The following CCDC171 variants were observed in gnomAD, a reference collection of about 807,000 sequenced individuals.
CCDC171 encodes coiled-coil domain containing 171.
Under a neutral mutation model 168.2 loss-of-function variants are expected in CCDC171, and 177 were observed. The ratio of observed to expected loss-of-function variants is 1.05; its 90% CI spans 0.93 to 1.19. The LOEUF (loss-of-function observed/expected upper bound fraction) is 1.19. CCDC171 is among the 50% of genes most tolerant of loss of function. CCDC171 has a pLI of 0.00. For synonymous variants in CCDC171, 687 were observed against 540.8 expected (o/e 1.27, Z -3.75); for missense variants, 1,991 against 1,539.0 (o/e 1.29, Z -4.91).
intron 1 of CCDC171, among the ~76,000 whole-genome samples, chr9:16,045,472 C>G (rs1204177387): frequency 6.6e-6 from 1 of 152,170 alleles, no homozygotes; most frequent in East Asian, 1.9e-4. Context: ...GCACTCCTTC[C>G]TTCACGGCTT....
the CCDC171 span, among the ~76,000 whole-genome samples, chr9:16,100,481 A>G: frequency 6.6e-6 from 1 of 152,166 alleles, no homozygotes; most frequent in African/African-American, 2.4e-5. Context: ...CCCCAGAGGT[A>G]TCGATGTAAT....
At chr9:15,654,725 A>T (rs1381744981) in intron 7 of CCDC171, among the ~76,000 whole-genome samples, 1 of 152,170 alleles carries the variant, frequency 6.6e-6, no homozygotes, top group African/African-American at 2.4e-5. Context: ...AGCGTGAGCG[A>T]CGCAGAAGAC....
intron 21 of CCDC171, among the ~76,000 whole-genome samples, chr9:15,798,763 T>C (rs944323440): frequency 6.6e-6 from 1 of 152,166 alleles, no homozygotes; most frequent in African/African-American, 2.4e-5. Flanking sequence ...AGGCTCACAA[T>C]GCCCGAAATA....
chr9:15,961,843 T>A (rs1374729979), intron 25 of CCDC171, among the ~76,000 whole-genome samples: 1 of 152,064 alleles, frequency 6.6e-6, no homozygotes, highest in Non-Finnish European at 1.5e-5. Context: ...ACTCAGAGAA[T>A]AGAGAAAAAA....
intron 21 of CCDC171, among the ~76,000 whole-genome samples, chr9:15,825,118 A>C (rs1392352466): frequency 6.6e-6 from 1 of 152,126 alleles, no homozygotes; most frequent in Non-Finnish European, 1.5e-5. Context: ...TCCACCTATG[A>C]CTGAATTTCA....
At chr9:15,821,427 T>C (rs2059765518) in intron 21 of CCDC171, among the ~76,000 whole-genome samples, 1 of 117,146 alleles carries the variant, frequency 8.5e-6, no homozygotes, top group African/African-American at 3.2e-5. Flanking sequence ...TGATTGTATA[T>C]CTAGAAAACC....
At chr9:15,651,486 A>T (rs1308870293) in intron 7 of CCDC171, among the ~76,000 whole-genome samples, 1 of 151,632 alleles carries the variant, frequency 6.6e-6, no homozygotes, top group African/African-American at 2.4e-5. Flanking sequence ...TGAACTCCTG[A>T]CCTCAAGCAA....
At chr9:15,833,561 A>G (rs941552023) in intron 21 of CCDC171, among the ~76,000 whole-genome samples, 1 of 152,192 alleles carries the variant, frequency 6.6e-6, no homozygotes, top group Non-Finnish European at 1.5e-5. Context: ...AAAATACTTT[A>G]TTAATACAAA....
intron 8 of CCDC171, among the ~76,000 whole-genome samples, chr9:16,036,616 C>G (rs1833474782): frequency 6.6e-6 from 1 of 152,160 alleles, no homozygotes; most frequent in Admixed American, 6.5e-5. Context: ...TGCACTCCAG[C>G]CTGGGCCACA....
At chr9:15,750,168 C>T (rs933377891) in intron 18 of CCDC171, among the ~76,000 whole-genome samples, 1 of 151,910 alleles carries the variant, frequency 6.6e-6, no homozygotes, top group East Asian at 1.9e-4. Flanking sequence ...ATACAGACTA[C>T]CATCAGAGAA....
At position 15,727,800 on chromosome 9, in the gene CCDC171, A is replaced by G. The variant is rs867098359; in HGVS notation, c.1693-69A>G. ...TTTTTTAAATTAACTCTTCACCATT[A>G]GTATTATGTATTTTACTTCTTACAA... On this transcript the variant is annotated intron_variant, in intron 14 of 25. Transcript: ENST00000380701. 8 of 1,162,848 alleles carry G rather than the reference A, an allele frequency of 6.9e-6. No individual in the cohort carries two copies. The African/African-American group carries it at 1.2e-4, about 18-fold the overall frequency. The allele number at this position is 1,162,848 out of a possible 1,614,324, so 72.0% of individuals were successfully genotyped here.
chr9:15,986,405 C>G (rs1161373270), intron 3 of CCDC171, among the ~76,000 whole-genome samples: 1 of 152,188 alleles, frequency 6.6e-6, no homozygotes, highest in African/African-American at 2.4e-5. Context: ...AGAGGGATGC[C>G]ATAAGACACT....
chr9:15,977,028 C>G (rs550339268), downstream of CCDC171, among the ~76,000 whole-genome samples: 1 of 152,230 alleles, frequency 6.6e-6, no homozygotes, highest in Non-Finnish European at 1.5e-5. Context: ...GTAAGAAACC[C>G]CTCCATTCCT....
At chr9:15,613,985 T>G (rs2043901262) in intron 6 of CCDC171, among the ~76,000 whole-genome samples, 1 of 152,220 alleles carries the variant, frequency 6.6e-6, no homozygotes, top group African/African-American at 2.4e-5. Context: ...GGACAGAAGA[T>G]TTTCTTAAAT....
intron 25 of CCDC171, among the ~76,000 whole-genome samples, chr9:15,924,005 G>A (rs1825628670): frequency 6.6e-6 from 1 of 151,014 alleles, no homozygotes; most frequent in Non-Finnish European, 1.5e-5. Context: ...GCCTCCAAAG[G>A]CATGTATATA....
intron 3 of CCDC171, among the ~76,000 whole-genome samples, chr9:15,992,812 A>G (rs567867875): frequency 1.3e-5 from 2 of 152,346 alleles, no homozygotes; most frequent in African/African-American, 4.8e-5. Context: ...GGACAAACAG[A>G]GAGCCAAATC....
At chr9:15,943,929 T>C (rs1237205012) in intron 25 of CCDC171, among the ~76,000 whole-genome samples, 1 of 151,958 alleles carries the variant, frequency 6.6e-6, no homozygotes, top group African/African-American at 2.4e-5. Context: ...TTGAGCTTGA[T>C]TTTGAAGGAA....
At chr9:16,051,492 C>G (rs10733307) in intron 1 of CCDC171, among the ~76,000 whole-genome samples, 1 of 152,032 alleles carries the variant, frequency 6.6e-6, no homozygotes, top group African/African-American at 2.4e-5. Flanking sequence ...CTGGGTTCTA[C>G]TTGCCAGCCC....
chr9:15,895,746 C>G (rs1820813810), intron 24 of CCDC171, among the ~76,000 whole-genome samples: 3 of 152,062 alleles, frequency 2.0e-5, no homozygotes, highest in Non-Finnish European at 4.4e-5. Context: ...AGTCACTAAC[C>G]AAGCAACTTC....
Sources: gnomAD v4.1 joint callset for allele counts (sites outside exome capture counted in the v4.1 genomes callset) on GRCh38, gnomAD v4.1.1 for gene constraint, MANE v1.5 for transcripts, NCBI Gene and HGNC (gene_info 2026-07-23, HGNC 2026-07-21) for gene names.